Variants in DRAM2 observed in about 807,000 individuals in gnomAD.
DRAM2 encodes DNA damage-regulated autophagy modulator protein 2.
Under a neutral mutation model 33.5 loss-of-function variants are expected in DRAM2, and 26 were observed. The ratio of observed to expected loss-of-function variants is 0.78; its 90% CI spans 0.57 to 1.08. The LOEUF (loss-of-function observed/expected upper bound fraction) is 1.08. DRAM2 is among the 50% of genes least tolerant of loss of function. The probability of loss-of-function intolerance (pLI) is 0.00; values close to 1 mark genes in which losing one functional copy is unlikely to be tolerated. For synonymous variants in DRAM2, 98 were observed against 109.5 expected (o/e 0.89, Z 0.66); for missense variants, 311 against 318.1 (o/e 0.98, Z 0.17).
Position 111,118,272 on chromosome 1 carries a change from A to G in DRAM2, c.694-5T>C, listed in dbSNP as rs1279240537. The G allele has an allele frequency of 3.1e-6, 5 of 1,598,324 alleles. No individual in the cohort carries two copies. The highest frequency in any genetic ancestry group is 1.7e-5 in the Admixed American group (1 of 59,216). On this transcript the variant is annotated splice_polypyrimidine_tract_variant and splice_region_variant and intron_variant, in intron 9 of 9. Transcript: ENST00000484310. ...TTCCACCCGTAAAGAAATTTTCTGG[A>G]ACAGAAAAGAAAATTATATATAGAA...
chr1:111,131,575 TAGAGA>T lies in DRAM2; in HGVS notation c.-14-12_-14-8del. On this transcript the variant is annotated splice_region_variant and splice_polypyrimidine_tract_variant and intron_variant, in intron 3 of 9. Coordinates refer to ENST00000484310, the MANE Select transcript of DRAM2 (RefSeq NM_001349884.2). ...CACATTTCTAACAGGTTTTCTGAAA[TAGAGA>T]AAACATATTAGAAAAGATAATTCAC... The T allele has an allele frequency of 6.2e-7, 1 of 1,612,444 alleles. No homozygotes were observed. Among genetic ancestry groups the T allele is most frequent in the Non-Finnish European group, 8.5e-7 (1 of 1,179,566 alleles).
At position 111,139,482 on chromosome 1, in the gene DRAM2, A is replaced by G. The variant is rs181233662; in HGVS notation, c.-79+19T>C. 8 of 152,418 alleles carry G rather than the reference A, an allele frequency of 5.2e-5. No homozygotes were observed. The highest frequency in any genetic ancestry group is 1.9e-4 in the African/African-American group (8 of 41,566). 9.4% of individuals were successfully genotyped at this position (152,418 alleles called of 1,614,324 possible). On this transcript the variant is annotated intron_variant, in intron 2 of 9. Coordinates refer to ENST00000484310, the MANE Select transcript of DRAM2 (RefSeq NM_001349884.2). ...CCTCGCTCCCTCCAGCCACCAAAGT[A>G]TCTGAACCCAGAACTCACAACAGGA...
At chr1:111,137,137 C>T (rs1200578729) in intron 3 of DRAM2, among the ~76,000 whole-genome samples, 3 of 151,266 alleles carry the variant, frequency 2.0e-5, no homozygotes, top group African/African-American at 7.3e-5. Context: ...CCTGTAGTCC[C>T]AGCTACTCGG....
Position 111,118,109 on chromosome 1 carries a change from T to C in DRAM2, c.*51A>G, listed in dbSNP as rs370111600. On this transcript the variant is annotated 3_prime_UTR_variant, in exon 10 of 10. Coordinates refer to ENST00000484310, the MANE Select transcript of DRAM2 (RefSeq NM_001349884.2). ...AAGAATAAGCAACTTCTGTGAACCT[T>C]TCCCCAATCCCTGAGAATCATAATC... 7 of 1,569,772 alleles carry C rather than the reference T, an allele frequency of 4.5e-6. No individual in the cohort carries two copies. In the African/African-American group the frequency reaches 5.4e-5, roughly 12 times the overall value.
At chr1:111,126,412 A>C in intron 4 of DRAM2, 118 bp from the exon 5 acceptor site, 1 of 600,094 alleles carries the variant, frequency 1.7e-6, no homozygotes, top group Non-Finnish European at 3.1e-6. Context: ...TAAATCCATG[A>C]GTTCAACTCA....
chr1:111,133,178 C>CTTT (rs35385263), intron 3 of DRAM2, among the ~76,000 whole-genome samples: 6 of 134,566 alleles, frequency 4.5e-5, no homozygotes, highest in East Asian at 2.1e-4. Flanking sequence ...CTTTACTTAC[C>CTTT]TTTTTTTTTT....
chr1:111,125,654 A>G (rs1036501240), intron 5 of DRAM2: 1 of 152,274 alleles, frequency 6.6e-6, no homozygotes, highest in African/African-American at 2.4e-5. Context: ...TTTTGACCTA[A>G]GCAAATAATA....
chr1:111,120,568 G>A lies in DRAM2; in HGVS notation c.465C>T (p.Val155=), dbSNP rs12408306. ...QMQPKIHGKQ[V]FWIRLLLVIW... is the part of the protein sequence containing the mutation. ...TAACCAACAACAGTCTGATCCAGAA[G>A]ACTTGTTTGCCATGGATTTTGGGCT... is the stretch of plus-strand genomic sequence containing the variant. Residue 155 remains valine, a synonymous_variant, in exon 7 of 10, where the codon GTC becomes GTT. Transcript: ENST00000484310. The A allele has an allele frequency of 6.2e-7, 1 of 1,612,162 alleles. No individual in the cohort carries two copies. The highest frequency in any genetic ancestry group is 2.2e-5 in the East Asian group (1 of 44,810).
At position 111,120,553 on chromosome 1, in the gene DRAM2, C is replaced by T. The variant is rs2101018148; in HGVS notation, c.480G>A (p.Leu160=). The change falls in exon 7 of 10, where the codon CTG becomes CTA. Residue 160 remains leucine (L), a synonymous_variant. Coordinates refer to ENST00000484310, the MANE Select transcript of DRAM2 (RefSeq NM_001349884.2). ...TTACTCCACACCAGATAACCAACAA[C>T]AGTCTGATCCAGAAGACTTGTTTGC... The part of the protein sequence containing the change: ...IHGKQVFWIR[L]LLVIWCGVSA... The T allele has an allele frequency of 1.2e-6, 2 of 1,611,362 alleles. No individual in the cohort carries two copies. The highest frequency in any genetic ancestry group is 1.7e-5 in the Admixed American group (1 of 59,700).
chr1:111,138,803 C>T (rs1653862420), intron 2 of DRAM2, among the ~76,000 whole-genome samples: 1 of 152,130 alleles, frequency 6.6e-6, no homozygotes. Context: ...AAGAAAAAGT[C>T]TTGCATCTCT....
At chr1:111,127,703 T>C (rs1651293312) in intron 4 of DRAM2, among the ~76,000 whole-genome samples, 1 of 152,166 alleles carries the variant, frequency 6.6e-6, no homozygotes, top group Non-Finnish European at 1.5e-5. Context: ...ATGATACATG[T>C]AAGTTAACAA....
At chr1:111,137,333 T>C (rs1427149750) in intron 3 of DRAM2, among the ~76,000 whole-genome samples, 190 bp downstream of exon 3, 1 of 151,758 alleles carries the variant, frequency 6.6e-6, no homozygotes. Context: ...GTACAGCTTA[T>C]ACTGATAGCA....
chr1:111,120,524 G>A lies in DRAM2; in HGVS notation c.509C>T (p.Ala170Val), dbSNP rs765616894. The A allele has an allele frequency of 1.3e-6, 2 of 1,599,330 alleles. No individual in the cohort carries two copies. The highest frequency in any genetic ancestry group is 3.4e-5 in the Admixed American group (2 of 58,042). Residue 170 changes from alanine (A) to valine (V), a missense_variant, in exon 7 of 10, where the codon GCA (alanine) becomes GTA (valine). By Grantham distance (64) the Ala-to-Val change is moderately conservative. Transcript: ENST00000484310. ...TGTACAGTGAAGGATACTGCTAAGTGCACTTACTCCACACCAGATAACCAA... is the reference window on the plus strand; with the variant it reads ...TGTACAGTGAAGGATACTGCTAAGTACACTTACTCCACACCAGATAACCAA... ...LLLVIWCGVS[A>V]LSMLTCSSVL...
Position 111,124,828 on chromosome 1 carries a change from C to G in DRAM2, c.253G>C (p.Glu85Gln), listed in dbSNP as rs1303074153. The change falls in exon 6 of 10, where the codon GAG becomes CAG. Residue 85 changes from glutamate (E) to glutamine (Q), a missense_variant. By Grantham distance (29) the Glu-to-Gln change is conservative (BLOSUM62 2). Coordinates refer to ENST00000484310, the MANE Select transcript of DRAM2 (RefSeq NM_001349884.2). The part of the protein sequence containing the change: ...YKQVHALSPE[E>Q]NVIIKLNKAG... Reference sequence around the variant, plus strand: ...TTGTTTAATTTGATGATAACGTTCTCTTCAGGACTCAGAGCATGAACTTGC... The same window carrying G: ...TTGTTTAATTTGATGATAACGTTCTGTTCAGGACTCAGAGCATGAACTTGC... 1 of 1,613,416 alleles carries G rather than the reference C, an allele frequency of 6.2e-7. No individual in the cohort carries two copies. Among genetic ancestry groups the G allele is most frequent in the Non-Finnish European group, 8.5e-7 (1 of 1,179,664 alleles).
At chr1:111,121,466 T>C (rs1355585700) in intron 6 of DRAM2, among the ~76,000 whole-genome samples, 1 of 152,100 alleles carries the variant, frequency 6.6e-6, no homozygotes, top group Non-Finnish European at 1.5e-5. Context: ...GTTTGATATT[T>C]TATTATGGCA....
intron 3 of DRAM2, among the ~76,000 whole-genome samples, chr1:111,135,309 T>A (rs1285581947): frequency 6.6e-6 from 1 of 152,224 alleles, no homozygotes; most frequent in Non-Finnish European, 1.5e-5. Context: ...GTTACAGGGA[T>A]ATGAATTCTA....
intron 4 of DRAM2, 83 bp downstream of exon 4, chr1:111,131,340 AG>A: frequency 7.2e-7 from 1 of 1,381,708 alleles, no homozygotes; most frequent in Non-Finnish European, 9.8e-7. Flanking sequence ...GATTTTTAAA[AG>A]GTTGACATTA....
intron 2 of DRAM2, among the ~76,000 whole-genome samples, chr1:111,138,453 C>T (rs1571083021): frequency 6.6e-6 from 1 of 152,282 alleles, no homozygotes; most frequent in East Asian, 1.9e-4. Context: ...TGAGAGTATG[C>T]AGGAATAAAT....
chr1:111,128,507 C>T (rs1651467342), intron 4 of DRAM2, among the ~76,000 whole-genome samples: 1 of 152,152 alleles, frequency 6.6e-6, no homozygotes, highest in Non-Finnish European at 1.5e-5. Flanking sequence ...AGTAGTCCCT[C>T]GGTATCTGTG....
Sources: gnomAD v4.1 joint callset for allele counts (sites outside exome capture counted in the v4.1 genomes callset) on GRCh38, gnomAD v4.1.1 for gene constraint, MANE v1.5 for transcripts, NCBI Gene and HGNC (gene_info 2026-07-23, HGNC 2026-07-21) for gene names.